NCF4: variants seen among roughly 807,000 people sequenced by gnomAD.
NCF4 encodes neutrophil cytosolic factor 4, also known as neutrophil cytosol factor 4.
A neutral mutation model predicts 41.7 loss-of-function variants in NCF4; 30 were observed. The observed-to-expected ratio is 0.72, with a 90% CI of 0.54 to 0.97. The LOEUF (loss-of-function observed/expected upper bound fraction) is 0.97, where lower values mean the gene tolerates loss of function less well. Ranked by LOEUF, NCF4 falls within the 50% of genes least tolerant of loss-of-function variation. The pLI is 0.00. For synonymous variants in NCF4, 195 were observed against 175.8 expected (o/e 1.11, Z -0.87); for missense variants, 432 against 460.9 (o/e 0.94, Z 0.57).
In NCF4 at chr22:36,861,126, T is replaced by C. The variant is rs1433581627; in HGVS notation, c.-46T>C. ...GTGAGAGGTGAACTCAGCCTGGGAC[T>C]GGCTGGGCGAGACTCTCCACCTGCT... On this transcript the variant is annotated 5_prime_UTR_variant, in exon 1 of 10. Coordinates refer to ENST00000248899, the MANE Select transcript of NCF4 (RefSeq NM_000631.5). The C allele has an allele frequency of 6.4e-7, 1 of 1,550,440 alleles. No homozygotes were observed. The highest frequency in any genetic ancestry group is 8.7e-7 in the Non-Finnish European group (1 of 1,146,154).
chr22:36,861,947 A>G (rs1002394545), intron 1 of NCF4, among the ~76,000 whole-genome samples: 1 of 152,242 alleles, frequency 6.6e-6, no homozygotes, highest in Non-Finnish European at 1.5e-5. Context: ...CAACCTTGCC[A>G]TTGTACAGAT....
chr22:36,861,811 A>C (rs1350429208), intron 1 of NCF4, among the ~76,000 whole-genome samples: 1 of 152,194 alleles, frequency 6.6e-6, no homozygotes, highest in Non-Finnish European at 1.5e-5. Flanking sequence ...CTGTATCACT[A>C]GGAGGTAGCT....
At chr22:36,873,076 G>T (rs561817106) in intron 7 of NCF4, among the ~76,000 whole-genome samples, 6 of 149,984 alleles carry the variant, frequency 4.0e-5, no homozygotes, top group Non-Finnish European at 8.9e-5. Flanking sequence ...GGTTGGAGGT[G>T]AGGATGGAGG....
At chr22:36,873,457 TCA>T (rs1198335108) in intron 7 of NCF4, among the ~76,000 whole-genome samples, 1 of 151,180 alleles carries the variant, frequency 6.6e-6, no homozygotes, top group Non-Finnish European at 1.5e-5. Flanking sequence ...ATTGTATGCT[TCA>T]GAGACTGAGG....
At chr22:36,872,174 A>T in intron 6 of NCF4, 153 bp from the exon 7 acceptor site, 2 of 739,698 alleles carry the variant, frequency 2.7e-6, no homozygotes, top group Admixed American at 2.0e-5. Context: ...CAGCTCCTCC[A>T]CTAAAAAATG....
At chr22:36,871,426 T>C (rs34706040) in intron 5 of NCF4, among the ~76,000 whole-genome samples, 1 of 152,354 alleles carries the variant, frequency 6.6e-6, no homozygotes, top group African/African-American at 2.4e-5. Flanking sequence ...TTTCTGAGCC[T>C]GGCTTCCTGG....
rs1376139348 is a variant in NCF4 at position 36,865,534 on chromosome 22, G to T, written c.271+462G>T. 6.6e-6 allele frequency among the ~76,000 whole-genome samples: 1 copy of T among 152,092 alleles called. No individual in the cohort carries two copies. The highest frequency in any genetic ancestry group is 1.5e-5 in the Non-Finnish European group (1 of 68,012). ...TCTCCTTCTTCTCCTGTCCCGCCAG[G>T]AAGCTGGGTGGCCTCAAGCCTCTGC... On this transcript the variant is annotated intron_variant, in intron 3 of 9. Transcript: ENST00000248899. This position sits in a 1 kb window ranked among gnomAD's most constrained non-coding sequence, Gnocchi z 4.3.
chr22:36,876,837 C>T (rs1268854277), intron 9 of NCF4, among the ~76,000 whole-genome samples: 1 of 152,210 alleles, frequency 6.6e-6, no homozygotes, highest in Non-Finnish European at 1.5e-5. Context: ...GGGATTAAAG[C>T]ATTTGCAAGT....
At chr22:36,863,215 TG>T (rs1408308943) in intron 1 of NCF4, among the ~76,000 whole-genome samples, 1 of 152,150 alleles carries the variant, frequency 6.6e-6, no homozygotes, top group Non-Finnish European at 1.5e-5. Context: ...TTCTGGGCAC[TG>T]GGATGTAGGG....
chr22:36,877,091 G>A (rs566160344), intron 9 of NCF4, among the ~76,000 whole-genome samples: 55 of 151,702 alleles, frequency 3.6e-4, no homozygotes, highest in Non-Finnish European at 6.5e-4. Context: ...ATTTATACAC[G>A]AGACATTTCA....
Position 36,870,199 on chromosome 22 carries a change from C to T in NCF4, c.343-216C>T, listed in dbSNP as rs769307784. Reference sequence around the variant, plus strand: ...GACTCTTCTCAAGCCCCTGGTCCCTCTCCTGACCTTGGACCCAGGAGCAGA... The same window carrying T: ...GACTCTTCTCAAGCCCCTGGTCCCTTTCCTGACCTTGGACCCAGGAGCAGA... On this transcript the variant is annotated intron_variant, in intron 4 of 9. Coordinates refer to ENST00000248899, the MANE Select transcript of NCF4 (RefSeq NM_000631.5). The T allele has an allele frequency of 2.0e-4, 129 of 660,966 alleles. 1 individual carries two copies. The highest frequency in any genetic ancestry group is 2.4e-4 in the Non-Finnish European group (92 of 380,486). 40.9% of individuals were successfully genotyped at this position (660,966 alleles called of 1,614,324 possible). A position where few individuals can be genotyped will look rare whatever the true frequency, so the allele number is the denominator to read the frequency against.
chr22:36,875,186 C>T (rs190107521), intron 7 of NCF4, among the ~76,000 whole-genome samples: 55 of 152,184 alleles, frequency 3.6e-4, no homozygotes, highest in African/African-American at 1.3e-3. Flanking sequence ...CGCACCAACA[C>T]GCTTGGCTAA....
chr22:36,863,457 C>A (rs1000437315), intron 1 of NCF4, among the ~76,000 whole-genome samples: 3 of 150,488 alleles, frequency 2.0e-5, no homozygotes, highest in Non-Finnish European at 4.4e-5. Flanking sequence ...TTCCTCAGCC[C>A]CCACCACCCC....
chr22:36,872,868 C>A (rs1321731704), intron 7 of NCF4, among the ~76,000 whole-genome samples: 3 of 49,122 alleles, frequency 6.1e-5, no homozygotes, highest in Admixed American at 2.4e-4. Context: ...GTGAGACTGG[C>A]AGTAAGGTTG....
At chr22:36,870,602 C>G in intron 5 of NCF4, 60 bp downstream of exon 5, 1 of 1,587,250 alleles carries the variant, frequency 6.3e-7, no homozygotes, top group Non-Finnish European at 8.6e-7. Flanking sequence ...GCTGGAAAAG[C>G]ATCTCTTTTC....
At position 36,861,213 on chromosome 22, in the gene NCF4, G is replaced by T. The variant is rs529996027; in HGVS notation, c.32+10G>T. The T allele has an allele frequency of 6.4e-7, 1 of 1,551,458 alleles. No homozygotes were observed. Among genetic ancestry groups the T allele is most frequent in the Non-Finnish European group, 8.7e-7 (1 of 1,146,814 alleles). On this transcript the variant is annotated intron_variant, in intron 1 of 9. Transcript: ENST00000248899. ...AGCTGCGGGCCGAGAGGTGAGTGCCGGGGTGTGGCCGCCCCCGGGCCTTCT... is the reference window on the plus strand; with the variant it reads ...AGCTGCGGGCCGAGAGGTGAGTGCCTGGGTGTGGCCGCCCCCGGGCCTTCT...
chr22:36,863,888 C>T (rs774142548), intron 1 of NCF4, among the ~76,000 whole-genome samples, 157 bp from the exon 2 acceptor site: 1 of 151,928 alleles, frequency 6.6e-6, no homozygotes, highest in Admixed American at 6.6e-5. Context: ...TCTCCGTATT[C>T]CCAGGGTCAG....
chr22:36,863,934 C>T (rs1235017978), intron 1 of NCF4, 111 bp from the exon 2 acceptor site: 21 of 1,026,880 alleles, frequency 2.0e-5, no homozygotes, highest in Middle Eastern at 2.6e-4. Flanking sequence ...TGCTGAGAGA[C>T]GAATGTTGGC....
At chr22:36,871,818 A>G in intron 6 of NCF4, 109 bp downstream of exon 6, 2 of 1,275,872 alleles carry the variant, frequency 1.6e-6, no homozygotes, top group Non-Finnish European at 2.2e-6. Flanking sequence ...TGCCTGGGAC[A>G]GTGCTGGGCA....
Sources: allele counts gnomAD v4.1 joint callset (sites outside exome capture counted in the v4.1 genomes callset), GRCh38; gene constraint gnomAD v4.1.1; non-coding constraint Gnocchi (gnomAD v3.1); transcripts MANE v1.5; gene names NCBI Gene and HGNC (gene_info 2026-07-23, HGNC 2026-07-21).